FGF13: variants seen among roughly 807,000 people sequenced by gnomAD.
FGF13 encodes the protein fibroblast growth factor 13, also known as fibroblast growth factor homologous factor 2.
Under a neutral mutation model 19.5 loss-of-function variants are expected in FGF13, and 2 were observed. The observed-to-expected ratio is 0.10, with a 90% CI of 0.04 to 0.32. The LOEUF (loss-of-function observed/expected upper bound fraction) is 0.32. Among genes scored for constraint, FGF13 ranks in the 10% least tolerant of loss-of-function variants. The pLI, the probability that FGF13 is intolerant of heterozygous loss-of-function variation, is 1.00. For missense variants in FGF13, 113 were observed against 192.7 expected, an observed-to-expected ratio of 0.59 and a Z score of 2.45; for synonymous variants, 72 against 76.9, an observed-to-expected ratio of 0.94 and a Z score of 0.33.
chrX:138,708,537 G>C (rs995245009), intron 2 of FGF13, among the ~76,000 whole-genome samples: 3 of 111,890 alleles, frequency 2.7e-5, no homozygotes, highest in Non-Finnish European at 3.8e-5. Flanking sequence ...TGGGAAAAAA[G>C]TAATAAAATC....
In FGF13 at chrX:139,082,841, C is replaced by T. The variant is rs775149630; in HGVS notation, c.-113+120575G>A. Among the ~76,000 whole-genome samples the T allele has an allele frequency of 1.7e-4, 19 of 111,579 alleles. No homozygotes were observed. In the East Asian group the frequency reaches 3.4e-3, roughly 20 times the overall value. On this transcript the variant is annotated intron_variant, in intron 1 of 2. Coordinates refer to the FGF13 transcript ENST00000421460. ...TCTTCATAGCATTATGGCATTATGG[C>T]AATTACATGATAATATAATATAGGT...
At chrX:138,960,119 A>G (rs922087714) in intron 1 of FGF13, among the ~76,000 whole-genome samples, 12 of 111,874 alleles carry the variant, frequency 1.1e-4, no homozygotes, top group Admixed American at 3.8e-4. Flanking sequence ...CCTAGCTTCA[A>G]TGGTCTTTAC....
intron 3 of FGF13, among the ~76,000 whole-genome samples, chrX:138,760,973 G>A (rs138899694): frequency 0.013 from 1,434 of 112,035 alleles, 9 homozygotes; most frequent in Middle Eastern, 0.042. Context: ...CTTTCTCCCA[G>A]CTTCTAAGAA....
At chrX:138,725,712 T>C (rs2090180786) in intron 1 of FGF13, among the ~76,000 whole-genome samples, 1 of 111,397 alleles carries the variant, frequency 9.0e-6, no homozygotes, top group South Asian at 3.8e-4. Flanking sequence ...ATGGATTTTT[T>C]CCTAACGGTA....
At chrX:138,913,381 G>A (rs1488669266) in intron 1 of FGF13, among the ~76,000 whole-genome samples, 2 of 107,985 alleles carry the variant, frequency 1.9e-5, no homozygotes, top group South Asian at 4.1e-4. Context: ...TGGCCAGGCC[G>A]GCCTCAAACT....
intron 3 of FGF13, among the ~76,000 whole-genome samples, chrX:138,767,944 AT>A (rs2124338407): frequency 8.9e-6 from 1 of 112,704 alleles, no homozygotes; most frequent in African/African-American, 3.2e-5. Context: ...TCTGGTTGCA[AT>A]TAAGACTCAC....
chrX:139,160,154 T>C lies in FGF13; in HGVS notation c.-113+43262A>G, dbSNP rs1455315271. Among the ~76,000 whole-genome samples, 6 of 112,047 alleles carry C rather than the reference T, an allele frequency of 5.4e-5. No homozygotes were observed. In the South Asian group the frequency reaches 1.9e-3, roughly 35 times the overall value. ...TAACAAACAGTCTCTCAGACCACAG[T>C]GCAATCAAATTAAAACTCAGGATTA... On this transcript the variant is annotated intron_variant, in intron 1 of 2. Transcript: ENST00000421460.
At chrX:139,034,374 G>A (rs62602201) in intron 1 of FGF13, among the ~76,000 whole-genome samples, 17,896 of 110,571 alleles carry the variant, frequency 0.16, 1,289 homozygotes, top group African/African-American at 0.28. Flanking sequence ...TGAGTTAGCT[G>A]GGTGAATGGG....
chrX:138,919,143 G>T (rs933258649), intron 1 of FGF13, among the ~76,000 whole-genome samples: 1 of 111,614 alleles, frequency 9.0e-6, no homozygotes, highest in Admixed American at 9.5e-5. Context: ...AATTTAAAAT[G>T]TATGCATGAA....
chrX:138,846,575 T>G (rs1343626712), intron 3 of FGF13, among the ~76,000 whole-genome samples: 1 of 112,284 alleles, frequency 8.9e-6, no homozygotes, highest in African/African-American at 3.2e-5. Flanking sequence ...TCTGCCATGA[T>G]TAAATGTCTC....
intron 3 of FGF13, among the ~76,000 whole-genome samples, chrX:138,638,163 A>C (rs1332434683): frequency 8.9e-6 from 1 of 111,759 alleles, no homozygotes; most frequent in African/African-American, 3.3e-5. Context: ...TCCTAAAGCA[A>C]AGTTCCCTTC....
At chrX:138,971,748 A>T (rs778145507) in intron 1 of FGF13, among the ~76,000 whole-genome samples, 3 of 111,564 alleles carry the variant, frequency 2.7e-5, no homozygotes, top group South Asian at 7.6e-4. Flanking sequence ...CGCTATTTTG[A>T]AGTATACAAT....
At chrX:139,127,871 C>T (rs1372816400) in intron 1 of FGF13, among the ~76,000 whole-genome samples, 1 of 110,564 alleles carries the variant, frequency 9.0e-6, no homozygotes, top group Non-Finnish European at 1.9e-5. Context: ...GAGTCAAAAC[C>T]ACATCCCATC....
At chrX:139,013,380 G>GATACTTGC (rs1483966903) in intron 1 of FGF13, among the ~76,000 whole-genome samples, 1 of 105,772 alleles carries the variant, frequency 9.5e-6, no homozygotes, top group African/African-American at 3.5e-5. Flanking sequence ...ATATGAAAAA[G>GATACTTGC]ATACTTGCAC....
At chrX:139,018,731 G>A (rs1158842160) in intron 1 of FGF13, among the ~76,000 whole-genome samples, 1 of 110,746 alleles carries the variant, frequency 9.0e-6, no homozygotes, top group Non-Finnish European at 1.9e-5. Flanking sequence ...GGCCTTTGAG[G>A]CAGAAGGGAC....
chrX:138,894,465 G>A (rs1360723678), intron 1 of FGF13, among the ~76,000 whole-genome samples: 2 of 111,002 alleles, frequency 1.8e-5, no homozygotes, highest in Non-Finnish European at 3.8e-5. Context: ...AATAAAAAAT[G>A]ATAAAGGGGA....
chrX:139,063,545 C>T (rs184768105), intron 1 of FGF13, among the ~76,000 whole-genome samples: 60 of 111,288 alleles, frequency 5.4e-4, no homozygotes, highest in Non-Finnish European at 6.2e-4. Flanking sequence ...TAACCTTTAT[C>T]AGGTGAAGGA....
At chrX:139,033,866 G>T (rs753544087) in intron 1 of FGF13, among the ~76,000 whole-genome samples, 1 of 111,549 alleles carries the variant, frequency 9.0e-6, no homozygotes, top group African/African-American at 3.3e-5. Flanking sequence ...GTGAAAATCA[G>T]TTTGGGATGA....
chrX:138,820,849 C>T (rs1028983824), intron 3 of FGF13, among the ~76,000 whole-genome samples: 3 of 110,830 alleles, frequency 2.7e-5, no homozygotes, highest in African/African-American at 9.9e-5. Context: ...GTGCATGGTG[C>T]TCCTAGATAA....
Sources: gnomAD v4.1 joint callset for allele counts (sites outside exome capture counted in the v4.1 genomes callset) on GRCh38, gnomAD v4.1.1 for gene constraint, MANE v1.5 for transcripts, NCBI Gene and HGNC (gene_info 2026-07-23, HGNC 2026-07-21) for gene names.